RGS6: variants seen among roughly 807,000 people sequenced by gnomAD.
The protein encoded by RGS6 is regulator of G-protein signaling 6.
In RGS6, 30 loss-of-function variants were observed where a neutral mutation model predicts 78.5. That is an observed-to-expected ratio of 0.38 (90% CI 0.29 to 0.52). The LOEUF (loss-of-function observed/expected upper bound fraction) is 0.52. Among genes scored for constraint, RGS6 ranks in the 20% least tolerant of loss-of-function variants. RGS6 has a pLI of 0.85. For missense variants in RGS6, 495 were observed against 609.7 expected (o/e 0.81, Z 1.98); for synonymous variants, 206 against 206.0 (o/e 1.00, Z 0.00).
At chr14:71,992,022 CT>C (rs11463702) in intron 2 of RGS6, among the ~76,000 whole-genome samples, 91 of 140,952 alleles carry the variant, frequency 6.5e-4, no homozygotes, top group East Asian at 2.3e-3. Flanking sequence ...TCTAGAATAT[CT>C]TTTTTTTTTT....
chr14:72,407,702 C>A (rs1204119129), intron 3 of RGS6, among the ~76,000 whole-genome samples: 1 of 152,228 alleles, frequency 6.6e-6, no homozygotes, highest in Non-Finnish European at 1.5e-5. Flanking sequence ...GATGACAGAA[C>A]CTCTCTAGTG....
intron 2 of RGS6, among the ~76,000 whole-genome samples, chr14:72,281,726 C>A (rs1416309310): frequency 1.3e-5 from 2 of 152,118 alleles, no homozygotes; most frequent in Non-Finnish European, 2.9e-5. Context: ...AACACACAAG[C>A]AAAGGCCCTA....
chr14:71,979,137 A>T (rs2094312816), intron 2 of RGS6, among the ~76,000 whole-genome samples: 1 of 147,386 alleles, frequency 6.8e-6, no homozygotes, highest in African/African-American at 2.5e-5. Flanking sequence ...TATTGTGTCT[A>T]TTTGATTCTT....
the RGS6 span, chr14:72,629,723 G>A: frequency 1.3e-6 from 2 of 1,536,070 alleles, no homozygotes; most frequent in Non-Finnish European, 1.7e-6. Context: ...TAAACTGCAG[G>A]CAGGTTGGGT....
the RGS6 span, among the ~76,000 whole-genome samples, chr14:72,596,745 G>A: frequency 7.2e-5 from 11 of 152,138 alleles, no homozygotes; most frequent in Non-Finnish European, 1.2e-4. Flanking sequence ...AGCACTCATC[G>A]TATCTTACAT....
chr14:72,144,769 G>A (rs962956780), intron 2 of RGS6, among the ~76,000 whole-genome samples: 8 of 150,648 alleles, frequency 5.3e-5, no homozygotes, highest in African/African-American at 2.0e-4. Context: ...TTTTGAAGCG[G>A]TATAACCACC....
intron 15 of RGS6, 146 bp downstream of exon 15, chr14:72,518,683 A>AT: frequency 1.4e-6 from 1 of 739,306 alleles, no homozygotes; most frequent in Non-Finnish European, 2.2e-6. Context: ...ACCATTTCAG[A>AT]TAGGCGCACA....
At chr14:72,383,424 A>G (rs2152903160) in intron 3 of RGS6, among the ~76,000 whole-genome samples, 1 of 151,890 alleles carries the variant, frequency 6.6e-6, no homozygotes, top group Non-Finnish European at 1.5e-5. Context: ...ACATTATTCC[A>G]TCTTATGTAT....
At chr14:72,606,864 CCT>C in the RGS6 span, among the ~76,000 whole-genome samples, 156 of 152,198 alleles carry the variant, frequency 1.0e-3, no homozygotes, top group African/African-American at 3.6e-3. Flanking sequence ...AGGACCTCCC[CCT>C]CTCTGTCTCA....
At chr14:72,621,992 C>T in the RGS6 span, among the ~76,000 whole-genome samples, 2 of 152,070 alleles carry the variant, frequency 1.3e-5, no homozygotes, top group African/African-American at 4.8e-5. Flanking sequence ...GAAGTCTGGG[C>T]CTGAGATATG....
intron 2 of RGS6, among the ~76,000 whole-genome samples, chr14:71,986,603 A>T (rs1429281848): frequency 6.6e-6 from 1 of 152,004 alleles, no homozygotes; most frequent in Non-Finnish European, 1.5e-5. Flanking sequence ...CCAACTACTC[A>T]GGAGGCTGAA....
intron 2 of RGS6, among the ~76,000 whole-genome samples, chr14:72,216,361 T>A (rs1471157687): frequency 6.6e-6 from 1 of 152,182 alleles, no homozygotes; most frequent in Non-Finnish European, 1.5e-5. Flanking sequence ...GGACCTCAGG[T>A]GTATTCATGC....
chr14:72,530,551 C>A (rs1026728537), intron 15 of RGS6, among the ~76,000 whole-genome samples: 1 of 151,978 alleles, frequency 6.6e-6, no homozygotes, highest in Non-Finnish European at 1.5e-5. Flanking sequence ...ATTAGCCAGG[C>A]GTGGTGGTGC....
chr14:72,625,128 T>G, the RGS6 span, among the ~76,000 whole-genome samples: 2 of 152,218 alleles, frequency 1.3e-5, no homozygotes, highest in Non-Finnish European at 2.9e-5. Context: ...ATCATACTTT[T>G]GCCCACTAAT....
intron 3 of RGS6, among the ~76,000 whole-genome samples, chr14:72,410,588 C>G (rs1229195337): frequency 6.6e-6 from 1 of 152,166 alleles, no homozygotes; most frequent in Non-Finnish European, 1.5e-5. Context: ...TCCCATTTGT[C>G]AATTTTGGCT....
intron 2 of RGS6, among the ~76,000 whole-genome samples, chr14:72,344,724 T>C (rs984330911): frequency 7.9e-5 from 12 of 152,152 alleles, no homozygotes; most frequent in African/African-American, 2.7e-4. Context: ...AGAGCGATCG[T>C]TGATATGGAG....
chr14:72,150,266 A>G (rs1463721798), intron 2 of RGS6, among the ~76,000 whole-genome samples: 1 of 152,160 alleles, frequency 6.6e-6, no homozygotes, highest in Admixed American at 6.6e-5. Context: ...GAACCAAGGA[A>G]TGCCAGGAGC....
At position 72,172,203 on chromosome 14, in the gene RGS6, T is replaced by G. The variant is rs930188913; in HGVS notation, c.85-179892T>G. On this transcript the variant is annotated intron_variant, in intron 2 of 17. Coordinates refer to ENST00000553525, the MANE Select transcript of RGS6 (RefSeq NM_001204424.2). ...GCAAAAATCAAGAACTGTGACGATT[T>G]AAGATGCATCTGAACTCTTTTAGAT... 2.0e-5 allele frequency among the ~76,000 whole-genome samples: 3 copies of G among 151,880 alleles called. No homozygotes were observed. In the South Asian group the frequency reaches 6.3e-4, roughly 32 times the overall value.
At chr14:72,146,657 A>G (rs1396118252) in intron 2 of RGS6, among the ~76,000 whole-genome samples, 2 of 152,250 alleles carry the variant, frequency 1.3e-5, no homozygotes, top group African/African-American at 2.4e-5. Context: ...TCAAAACCCA[A>G]CAGGAAAAAC....
Sources: gnomAD v4.1 joint callset for allele counts (sites outside exome capture counted in the v4.1 genomes callset) on GRCh38, gnomAD v4.1.1 for gene constraint, MANE v1.5 for transcripts, NCBI Gene and HGNC (gene_info 2026-07-23, HGNC 2026-07-21) for gene names.